HDAC4: variants seen among roughly 807,000 people sequenced by gnomAD.
The protein encoded by HDAC4 is histone deacetylase A.
Under a neutral mutation model 135.1 loss-of-function variants are expected in HDAC4, and 16 were observed. The ratio of observed to expected loss-of-function variants is 0.12; its 90% CI spans 0.08 to 0.18. The LOEUF (loss-of-function observed/expected upper bound fraction) is 0.18, where lower values mean the gene tolerates loss of function less well. Ranked by LOEUF, HDAC4 falls within the 10% of genes least tolerant of loss-of-function variation. The pLI is 1.00. For missense variants in HDAC4, 1,143 were observed against 1,511.8 expected, an observed-to-expected ratio of 0.76 and a Z score of 4.05; for synonymous variants, 685 against 653.4, an observed-to-expected ratio of 1.05 and a Z score of -0.74.
chr2:239,102,217 G>A (rs1032219658), intron 16 of HDAC4, among the ~76,000 whole-genome samples: 5 of 152,308 alleles, frequency 3.3e-5, no homozygotes, highest in South Asian at 4.1e-4. Context: ...CATGGAGCTG[G>A]CTGGGAGTTC....
At chr2:239,327,884 G>C (rs892687497) in intron 2 of HDAC4, among the ~76,000 whole-genome samples, 3 of 151,950 alleles carry the variant, frequency 2.0e-5, no homozygotes, top group African/African-American at 4.9e-5. Context: ...CCCCTGGACA[G>C]TCTCTGGACA....
chr2:239,089,162 A>G (rs1422196225), intron 18 of HDAC4, among the ~76,000 whole-genome samples: 1 of 152,162 alleles, frequency 6.6e-6, no homozygotes, highest in African/African-American at 2.4e-5. Flanking sequence ...AATACCTCTG[A>G]AAAGTCTATT....
intron 1 of HDAC4, among the ~76,000 whole-genome samples, chr2:239,368,121 G>A (rs1012569633): frequency 7.2e-5 from 11 of 152,180 alleles, no homozygotes; most frequent in African/African-American, 1.9e-4. Flanking sequence ...ACGTCAGAAC[G>A]ACAGTCAGCC....
rs1559379648 is a variant in HDAC4 at position 239,352,209 on chromosome 2, CAG to C, written c.22+467_22+468del. On this transcript the variant is annotated intron_variant, in intron 2 of 26. Transcript: ENST00000543185. This position sits in a 1 kb window ranked among gnomAD's most constrained non-coding sequence, Gnocchi z 4.4. ...GTAAAATGCTTAGTGCAGCCCCTCACAGAGGCCCTCAAACACCAGGAGCAACT... is the reference window on the plus strand; with the variant it reads ...GTAAAATGCTTAGTGCAGCCCCTCACAGGCCCTCAAACACCAGGAGCAACT... Among the ~76,000 whole-genome samples, 1 of 152,162 alleles carries C rather than the reference CAG, an allele frequency of 6.6e-6. No homozygotes were observed. The highest frequency in any genetic ancestry group is 2.4e-5 in the African/African-American group (1 of 41,426).
At chr2:239,384,231 G>A (rs1168051556) in intron 1 of HDAC4, among the ~76,000 whole-genome samples, 2 of 152,120 alleles carry the variant, frequency 1.3e-5, no homozygotes, top group Non-Finnish European at 2.9e-5. Context: ...ATACCTGCGT[G>A]GGCTGAAAAG....
rs141809525 is a variant in HDAC4 at position 239,304,886 on chromosome 2, G to A, written c.22+47792C>T. 2.1e-3 allele frequency among the ~76,000 whole-genome samples: 327 copies of A among 152,240 alleles called. 1 individual carries two copies. Among genetic ancestry groups the A allele is most frequent in the Non-Finnish European group, 3.2e-3 (221 of 68,016 alleles). ...TATATATACACACACATAGGAGAAC[G>A]CGAATGACTGGGCACCCAGGGTCTC... On this transcript the variant is annotated intron_variant, in intron 2 of 26. Transcript: ENST00000543185.
chr2:239,280,926 CCACA>C (rs1323737514), intron 2 of HDAC4, among the ~76,000 whole-genome samples: 2 of 133,348 alleles, frequency 1.5e-5, no homozygotes, highest in African/African-American at 3.0e-5. Context: ...ACACCACTCT[CCACA>C]CAATGTACAC....
At chr2:239,159,539 CCACA>C (rs973330902) in intron 6 of HDAC4, among the ~76,000 whole-genome samples, 1 of 150,984 alleles carries the variant, frequency 6.6e-6, no homozygotes, top group Non-Finnish European at 1.5e-5. Context: ...ACCCCACCTC[CCACA>C]CACACACCCG....
chr2:239,183,179 C>CT (rs773574106), intron 4 of HDAC4, among the ~76,000 whole-genome samples: 1 of 152,240 alleles, frequency 6.6e-6, no homozygotes, highest in East Asian at 1.9e-4. Context: ...TCTAACCAGA[C>CT]TTTAAGTTTA....
In HDAC4 at chr2:239,147,811, A is replaced by G. The variant is rs186871540; in HGVS notation, c.734-3097T>C. On this transcript the variant is annotated intron_variant, in intron 7 of 26. Transcript: ENST00000543185. ...CAAGTAAATGACTAATTAAGGCGAT[A>G]CAACATTCCAATCACAACCTTAAAA... is the stretch of plus-strand genomic sequence containing the variant. Among the ~76,000 whole-genome samples the G allele has an allele frequency of 1.4e-3, 214 of 152,388 alleles. 1 individual carries two copies. The Middle Eastern group carries it at 0.027, about 19-fold the overall frequency.
At chr2:239,126,236 C>T (rs1443715684) in intron 12 of HDAC4, among the ~76,000 whole-genome samples, 3 of 152,248 alleles carry the variant, frequency 2.0e-5, no homozygotes, top group Non-Finnish European at 4.4e-5. Context: ...CCACTCCCTG[C>T]AGGTGAACTG....
At position 239,066,753 on chromosome 2, in the gene HDAC4, T is replaced by C; in HGVS notation, c.2972A>G (p.Glu991Gly). ...HDLTAICDAS[E>G]ACVSALLGNE... is the part of the protein sequence containing the mutation. ...TCCCAGCAAGGCAGAAACACATGCT[T>C]CCGAGGCGTCGCAAATGGCGGTCAG... The change falls in exon 24 of 27, where the codon GAA becomes GGA. Residue 991 changes from glutamate to glycine, a missense_variant. This residue lies in a region of HDAC4 where 189 missense variants were observed against 317.6 expected (regional missense o/e 0.60). Transcript: ENST00000543185. The C allele has an allele frequency of 1.2e-6, 2 of 1,613,926 alleles. No individual in the cohort carries two copies. The highest frequency in any genetic ancestry group is 8.5e-7 in the Non-Finnish European group (1 of 1,180,020).
Position 239,146,233 on chromosome 2 carries a change from A to C in HDAC4, c.734-1519T>G, listed in dbSNP as rs2041751019. Among the ~76,000 whole-genome samples, 1 of 152,180 alleles carries C rather than the reference A, an allele frequency of 6.6e-6. No individual in the cohort carries two copies. The highest frequency in any genetic ancestry group is 2.4e-5 in the African/African-American group (1 of 41,442). The stretch of plus-strand genomic sequence containing the variant: ...CTTGCCATTATTCAAAAGACAAAAC[A>C]AAACCAAAAAAAACAAGCCAAAAAA... On this transcript the variant is annotated intron_variant, in intron 7 of 26. Transcript: ENST00000543185. This position sits in a 1 kb window ranked among gnomAD's most constrained non-coding sequence, Gnocchi z 4.5.
chr2:239,286,969 G>A (rs2051172920), intron 2 of HDAC4, among the ~76,000 whole-genome samples: 1 of 152,168 alleles, frequency 6.6e-6, no homozygotes, highest in Non-Finnish European at 1.5e-5. Flanking sequence ...TGTTCATAAA[G>A]AAAAGAGAAA....
At chr2:239,089,061 G>A (rs2036254100) in intron 18 of HDAC4, among the ~76,000 whole-genome samples, 1 of 152,074 alleles carries the variant, frequency 6.6e-6, no homozygotes, top group African/African-American at 2.4e-5. Flanking sequence ...AGGAGGCCAC[G>A]ATTTGATTTC....
intron 17 of HDAC4, chr2:239,091,619 A>C (rs2036511390): frequency 6.6e-6 from 1 of 152,126 alleles, no homozygotes; most frequent in South Asian, 2.1e-4. Flanking sequence ...GCCACTTGAT[A>C]GACACCGCTC....
chr2:239,076,949 A>G (rs1345712550), intron 22 of HDAC4, among the ~76,000 whole-genome samples: 2 of 151,728 alleles, frequency 1.3e-5, no homozygotes, highest in Non-Finnish European at 2.9e-5. Flanking sequence ...TCTCCCCCAA[A>G]ATCAGCCCCT....
In HDAC4 at chr2:239,049,479, CTATATATT is replaced by C. The variant is rs1446035429; in HGVS notation, c.*3610_*3617del. ...AAAATATATTCATATATATTTATAT[CTATATATT>C]TATATATGTATCAATGCCCATAAAA... On this transcript the variant is annotated 3_prime_UTR_variant, in exon 27 of 27. Transcript: ENST00000543185. The C allele has an allele frequency of 6.6e-6, 1 of 151,500 alleles. No homozygotes were observed. Among genetic ancestry groups the C allele is most frequent in the Non-Finnish European group, 1.5e-5 (1 of 67,880 alleles). The allele number at this position is 151,500 out of a possible 1,614,324, so 9.4% of individuals were successfully genotyped here. A position where few individuals can be genotyped will look rare whatever the true frequency, so the allele number is the denominator to read the frequency against.
chr2:239,073,641 G>A (rs1186065576), intron 22 of HDAC4, among the ~76,000 whole-genome samples: 2 of 152,270 alleles, frequency 1.3e-5, no homozygotes, highest in Non-Finnish European at 2.9e-5. Context: ...GTCCCAGAGT[G>A]AGAGGTTTCT....
Sources: gnomAD v4.1 joint callset for allele counts (sites outside exome capture counted in the v4.1 genomes callset) on GRCh38, gnomAD v4.1.1 for gene constraint, gnomAD v4.1.1 regional missense constraint, Gnocchi (gnomAD v3.1) non-coding constraint, MANE v1.5 for transcripts, NCBI Gene and HGNC (gene_info 2026-07-23, HGNC 2026-07-21) for gene names.